The following AKAP6 variants were observed in gnomAD, a reference collection of about 807,000 sequenced individuals.
AKAP6 encodes the protein A-kinase anchoring protein 6, also known as A-kinase anchor protein 6.
Under a neutral mutation model 188.5 loss-of-function variants are expected in AKAP6, and 58 were observed. The observed-to-expected ratio is 0.31, with a 90% CI of 0.25 to 0.38. The LOEUF (loss-of-function observed/expected upper bound fraction) is 0.38, where lower values mean the gene tolerates loss of function less well. AKAP6 is among the 10% of genes least tolerant of loss of function. The pLI, the probability that AKAP6 is intolerant of heterozygous loss-of-function variation, is 1.00. For synonymous variants in AKAP6, 989 were observed against 998.6 expected, an observed-to-expected ratio of 0.99 and a Z score of 0.18; for missense variants, 2,710 against 2,740.0, an observed-to-expected ratio of 0.99 and a Z score of 0.24.
At chr14:32,607,033 G>A (rs1886152407) in intron 7 of AKAP6, among the ~76,000 whole-genome samples, 1 of 152,152 alleles carries the variant, frequency 6.6e-6, no homozygotes, top group Admixed American at 6.6e-5. Context: ...AGATGCCCAA[G>A]TCTTAACCCA....
At chr14:32,531,639 T>A (rs558408025) in intron 2 of AKAP6, among the ~76,000 whole-genome samples, 1 of 152,308 alleles carries the variant, frequency 6.6e-6, no homozygotes, top group South Asian at 2.1e-4. Context: ...CAGTTTAGAA[T>A]CATGCCCTCC....
rs559102533 is a variant in AKAP6, at chr14:32,652,555, A to G, written c.2731-25756A>G. On this transcript the variant is annotated intron_variant, in intron 7 of 13. Coordinates refer to ENST00000280979, the MANE Select transcript of AKAP6 (RefSeq NM_004274.5). ...TTACAAGGAAATTCCATCCATTATA[A>G]TCATATCAGATTAAATCAAATATAT... 6.3e-4 allele frequency among the ~76,000 whole-genome samples: 96 copies of G among 152,310 alleles called. No homozygotes were observed. In the Middle Eastern group the frequency reaches 0.017, roughly 27 times the overall value.
intron 12 of AKAP6, among the ~76,000 whole-genome samples, chr14:32,787,917 T>C (rs1266592510): frequency 1.3e-5 from 2 of 151,898 alleles, no homozygotes; most frequent in Non-Finnish European, 2.9e-5. Flanking sequence ...AAAACAAATG[T>C]GTCATTCCAA....
At chr14:32,789,958 G>A (rs1431238164) in intron 12 of AKAP6, among the ~76,000 whole-genome samples, 3 of 152,168 alleles carry the variant, frequency 2.0e-5, no homozygotes, top group Non-Finnish European at 4.4e-5. Context: ...CCAATGCAAA[G>A]AAGCTAAGAA....
chr14:32,367,865 G>A (rs1269928318), intron 1 of AKAP6, among the ~76,000 whole-genome samples: 1 of 152,132 alleles, frequency 6.6e-6, no homozygotes, highest in Admixed American at 6.6e-5. Flanking sequence ...ACTAAAAATA[G>A]TCCAGCTTTA....
intron 11 of AKAP6, among the ~76,000 whole-genome samples, chr14:32,743,913 C>A (rs370539289): frequency 1.3e-5 from 2 of 152,282 alleles, no homozygotes; most frequent in South Asian, 2.1e-4. Context: ...TCACTAACGT[C>A]CTTTTCTTTC....
At chr14:32,517,513 A>G (rs1333597733) in intron 2 of AKAP6, among the ~76,000 whole-genome samples, 1 of 152,192 alleles carries the variant, frequency 6.6e-6, no homozygotes, top group African/African-American at 2.4e-5. Context: ...GTGCTTTTCC[A>G]GTGGTCTTAC....
intron 1 of AKAP6, among the ~76,000 whole-genome samples, chr14:32,426,905 G>T (rs1274415871): frequency 6.6e-6 from 1 of 152,158 alleles, no homozygotes; most frequent in East Asian, 1.9e-4. Context: ...GTGTGTTATG[G>T]TTGACAGCAG....
chr14:32,602,601 A>G (rs1292548927), intron 7 of AKAP6, among the ~76,000 whole-genome samples: 1 of 152,184 alleles, frequency 6.6e-6, no homozygotes, highest in Admixed American at 6.5e-5. Context: ...AAAAAGCTTC[A>G]TTGTATTTTG....
intron 4 of AKAP6, among the ~76,000 whole-genome samples, chr14:32,566,018 T>C (rs922946178): frequency 5.3e-5 from 8 of 152,208 alleles, no homozygotes; most frequent in Non-Finnish European, 1.0e-4. Flanking sequence ...CTTGGGATGA[T>C]CTACAGCAAG....
rs1370308653 is a variant in AKAP6 at position 32,352,079 on chromosome 14, GTGTGTGTGTGTGTGTGTGTGTGTT to G, written c.-35+22695_-35+22718del. Among the ~76,000 whole-genome samples, 185 of 108,580 alleles carry G rather than the reference GTGTGTGTGTGTGTGTGTGTGTGTT, an allele frequency of 1.7e-3. 1 individual carries two copies. Among genetic ancestry groups the G allele is most frequent in the South Asian group, 5.8e-3 (15 of 2,582 alleles). 71.2% of individuals were successfully genotyped at this position (108,580 alleles called of 152,430 possible). A position where few individuals can be genotyped will look rare whatever the true frequency, so the allele number is the denominator to read the frequency against. On this transcript the variant is annotated intron_variant, in intron 1 of 13. Coordinates refer to ENST00000280979, the MANE Select transcript of AKAP6 (RefSeq NM_004274.5). ...TGTAGTCTTGGGAGACCCTGTGTGT[GTGTGTGTGTGTGTGTGTGTGTGTT>G]TGTGTGTGTGTGTGTGTGTGTGTGT...
intron 8 of AKAP6, among the ~76,000 whole-genome samples, chr14:32,680,896 G>A (rs1010215942): frequency 2.6e-5 from 4 of 152,190 alleles, no homozygotes; most frequent in Admixed American, 6.5e-5. Flanking sequence ...TTCCCTGAAC[G>A]TATGTGAGGC....
intron 12 of AKAP6, among the ~76,000 whole-genome samples, chr14:32,799,235 T>G (rs2033865727): frequency 6.6e-6 from 1 of 152,216 alleles, no homozygotes; most frequent in Non-Finnish European, 1.5e-5. Flanking sequence ...AGTTGAATTA[T>G]TCTAGATGTA....
intron 12 of AKAP6, among the ~76,000 whole-genome samples, chr14:32,786,298 C>CTTTTTTTTTTTTTTTTTTTT (rs1162974012): frequency 2.5e-4 from 21 of 82,554 alleles, no homozygotes; most frequent in South Asian, 5.0e-4. Flanking sequence ...AAACCTTTAT[C>CTTTTTTTTTTTTTTTTTTTT]TTTTTTTTTT....
chr14:32,438,415 C>T (rs1890459010), intron 2 of AKAP6, among the ~76,000 whole-genome samples: 1 of 152,136 alleles, frequency 6.6e-6, no homozygotes, highest in African/African-American at 2.4e-5. Context: ...GTGATTTTAT[C>T]TTCTGGTCAT....
At chr14:32,803,910 T>C (rs899255818) in intron 12 of AKAP6, among the ~76,000 whole-genome samples, 1 of 152,200 alleles carries the variant, frequency 6.6e-6, no homozygotes, top group Non-Finnish European at 1.5e-5. Context: ...CTTCAATCTT[T>C]CCCAAGATCA....
At chr14:32,773,119 A>C (rs1387657191) in intron 11 of AKAP6, among the ~76,000 whole-genome samples, 2 of 152,134 alleles carry the variant, frequency 1.3e-5, no homozygotes, top group Non-Finnish European at 2.9e-5. Flanking sequence ...CTTTCAGAAC[A>C]TTATTGCTTT....
chr14:32,452,312 G>C (rs960554222), intron 2 of AKAP6, among the ~76,000 whole-genome samples: 45 of 152,230 alleles, frequency 3.0e-4, no homozygotes, highest in Admixed American at 2.4e-3. Context: ...GGGATTACAG[G>C]TGTGGGCCAC....
intron 4 of AKAP6, among the ~76,000 whole-genome samples, chr14:32,564,159 T>C (rs564914960): frequency 5.6e-4 from 85 of 152,302 alleles, no homozygotes; most frequent in Non-Finnish European, 1.0e-3. Context: ...TATACTGTAT[T>C]GTTTAGAGAA....
Sources: gnomAD v4.1 joint callset for allele counts (sites outside exome capture counted in the v4.1 genomes callset) on GRCh38, gnomAD v4.1.1 for gene constraint, MANE v1.5 for transcripts, NCBI Gene and HGNC (gene_info 2026-07-23, HGNC 2026-07-21) for gene names.